Variants in IPO5 observed in about 807,000 individuals in gnomAD.
IPO5 encodes the protein importin 5.
In IPO5, 18 loss-of-function variants were observed where a neutral mutation model predicts 143.3. That is an observed-to-expected ratio of 0.13 (90% CI 0.09 to 0.19). The LOEUF (loss-of-function observed/expected upper bound fraction) is 0.19, where lower values mean the gene tolerates loss of function less well. Ranked by LOEUF, IPO5 falls within the 10% of genes least tolerant of loss-of-function variation. IPO5 has a pLI of 1.00. For missense variants in IPO5, 1,013 were observed against 1,336.9 expected (o/e 0.76, Z 3.78); for synonymous variants, 477 against 465.7 (o/e 1.02, Z -0.31).
At chr13:98,012,466 C>A in intron 21 of IPO5, 124 bp downstream of exon 21, 1 of 651,906 alleles carries the variant, frequency 1.5e-6, no homozygotes, top group Non-Finnish European at 2.8e-6. Flanking sequence ...ACTAAGTGTA[C>A]TCTTAGGTGA....
intron 4 of IPO5, among the ~76,000 whole-genome samples, chr13:97,980,645 T>C (rs1449696216): frequency 1.3e-5 from 2 of 151,802 alleles, no homozygotes; most frequent in Non-Finnish European, 2.9e-5. Context: ...CTGGCCAAGA[T>C]GGTGAAATCC....
chr13:98,018,792 A>G, intron 26 of IPO5, 88 bp downstream of exon 26: 1 of 918,496 alleles, frequency 1.1e-6, no homozygotes. Context: ...CCCAAACATT[A>G]TTTGCCTATT....
rs74627834 is a variant in IPO5 at position 98,023,674 on chromosome 13, G to C, written c.*1852G>C. 1 of 152,136 alleles carries C rather than the reference G, an allele frequency of 6.6e-6. No homozygotes were observed. The highest frequency in any genetic ancestry group is 1.5e-5 in the Non-Finnish European group (1 of 68,026). The allele number at this position is 152,136 out of a possible 1,614,324, so 9.4% of individuals were successfully genotyped here. ...AACACTAGTGGTATTGTCAGATGCC[G>C]TTAGTATCTGAGATGTACTTACAGC... On this transcript the variant is annotated 3_prime_UTR_variant, in exon 29 of 29. Transcript: ENST00000651721.
At chr13:97,985,298 A>G in intron 5 of IPO5, 123 bp from the exon 6 acceptor site, 3 of 723,074 alleles carry the variant, frequency 4.1e-6, no homozygotes, top group Non-Finnish European at 6.8e-6. Context: ...GACTAATGTA[A>G]TTAGAAAGAG....
At chr13:98,009,047 A>G (rs577463662) in intron 18 of IPO5, among the ~76,000 whole-genome samples, 7 of 152,196 alleles carry the variant, frequency 4.6e-5, no homozygotes, top group Non-Finnish European at 8.8e-5. Context: ...GACAGTAGGG[A>G]GACTGAGGGG....
At position 98,006,124 on chromosome 13, in the gene IPO5, T is replaced by C. The variant is rs747808146; in HGVS notation, c.1498-6T>C. The C allele has an allele frequency of 1.9e-6, 3 of 1,598,616 alleles. No individual in the cohort carries two copies. Among genetic ancestry groups the C allele is most frequent in the Non-Finnish European group, 2.6e-6 (3 of 1,166,072 alleles). On this transcript the variant is annotated splice_region_variant and splice_polypyrimidine_tract_variant and intron_variant, in intron 16 of 28. Coordinates refer to ENST00000651721, the MANE Select transcript of IPO5 (RefSeq NM_002271.6). ...TTTGAGGTAATAATTTGTGTCTTCC[T>C]TCTAGCTGATTCAGAAAGGCACCAA...
chr13:97,988,072 G>A (rs1229520430), intron 6 of IPO5: 14 of 226,928 alleles, frequency 6.2e-5, no homozygotes, highest in South Asian at 2.2e-4. Flanking sequence ...ATCGGGGGAC[G>A]TTTAAAAAGA....
chr13:97,989,932 C>T (rs1292594068), intron 7 of IPO5, among the ~76,000 whole-genome samples, 194 bp from the exon 8 acceptor site: 2 of 152,168 alleles, frequency 1.3e-5, no homozygotes, highest in Admixed American at 1.3e-4. Context: ...ACTCCCAGCC[C>T]AGACTTCTCC....
intron 26 of IPO5, 52 bp downstream of exon 26, chr13:98,018,756 C>T: frequency 7.5e-7 from 1 of 1,328,312 alleles, no homozygotes; most frequent in African/African-American, 1.4e-5. Flanking sequence ...TCCTGTGAAT[C>T]CCTACTTTAC....
intron 2 of IPO5, among the ~76,000 whole-genome samples, chr13:97,962,881 T>C (rs183947244): frequency 9.1e-4 from 138 of 151,878 alleles, no homozygotes; most frequent in Non-Finnish European, 5.0e-4. Context: ...TTATGAGAGA[T>C]GGAAAGTTCA....
intron 4 of IPO5, chr13:97,982,259 A>G (rs1170789051): frequency 2.6e-6 from 1 of 378,396 alleles, no homozygotes; most frequent in Non-Finnish European, 4.7e-6. Context: ...ATAAGTTGGG[A>G]AAACATGCAC....
At position 97,969,711 on chromosome 13, in the gene IPO5, C is replaced by A; in HGVS notation, c.-112-12C>A. 1 of 1,144,052 alleles carries A rather than the reference C, an allele frequency of 8.7e-7. No homozygotes were observed. The highest frequency in any genetic ancestry group is 1.3e-6 in the Non-Finnish European group (1 of 753,390). 70.9% of individuals were successfully genotyped at this position (1,144,052 alleles called of 1,614,324 possible). On this transcript the variant is annotated splice_polypyrimidine_tract_variant and intron_variant, in intron 2 of 28. Coordinates refer to ENST00000651721, the MANE Select transcript of IPO5 (RefSeq NM_002271.6). ...CATCTAATGGTCCACCATTCTGTTT[C>A]TGTCAAATCAGCAGAGGAAAGAAAT...
At chr13:97,956,888 G>A (rs1309895241) in intron 2 of IPO5, among the ~76,000 whole-genome samples, 1 of 152,116 alleles carries the variant, frequency 6.6e-6, no homozygotes. Flanking sequence ...ATTTTAAGCT[G>A]TATTAAGATT....
In IPO5 at chr13:98,010,001, G is replaced by A. The variant is rs1231523098; in HGVS notation, c.1921G>A (p.Ala641Thr). ...GACGGCTTCAATTAAGCCCGAAGTA[G>A]CCCTTTTAGATAGTAGGTGTCTTTA... Reference protein sequence around the residue: ...MKTASIKPEVALLDTQDMENM... With the variant: ...MKTASIKPEVTLLDTQDMENM... The change falls in exon 19 of 29, where the codon GCC becomes ACC. Residue 641 changes from alanine (A) to threonine (T), a missense_variant. Coordinates refer to ENST00000651721, the MANE Select transcript of IPO5 (RefSeq NM_002271.6). 6.2e-7 allele frequency: 1 copy of A among 1,614,024 alleles called. No individual in the cohort carries two copies. Among genetic ancestry groups the A allele is most frequent in the Non-Finnish European group, 8.5e-7 (1 of 1,180,010 alleles).
At chr13:98,005,151 C>T (rs555945964) in intron 16 of IPO5, among the ~76,000 whole-genome samples, 2 of 150,616 alleles carry the variant, frequency 1.3e-5, no homozygotes, top group African/African-American at 4.9e-5. Flanking sequence ...CCCACCTGGG[C>T]CTCCCAAAGT....
At chr13:97,962,758 G>A (rs1884994891) in intron 2 of IPO5, among the ~76,000 whole-genome samples, 1 of 151,862 alleles carries the variant, frequency 6.6e-6, no homozygotes, top group Admixed American at 6.6e-5. Context: ...GGCAGAGGTT[G>A]CAGTGAGCCA....
At position 97,954,189 on chromosome 13, in the gene IPO5, C is replaced by G. The variant is rs1037872997; in HGVS notation, c.-122C>G. 1 of 180,056 alleles carries G rather than the reference C, an allele frequency of 5.6e-6. No individual in the cohort carries two copies. Among genetic ancestry groups the G allele is most frequent in the Non-Finnish European group, 1.2e-5 (1 of 84,700 alleles). 11.2% of individuals were successfully genotyped at this position (180,056 alleles called of 1,614,324 possible). A position where few individuals can be genotyped will look rare whatever the true frequency, so the allele number is the denominator to read the frequency against. Reference sequence around the variant, plus strand: ...CTGTTTTCCCTGATCAGGATACTTGCGGCACTCAAGTGAGTCTAGAATTAT... The same window carrying G: ...CTGTTTTCCCTGATCAGGATACTTGGGGCACTCAAGTGAGTCTAGAATTAT... On this transcript the variant is annotated 5_prime_UTR_variant, in exon 2 of 29. Coordinates refer to ENST00000651721, the MANE Select transcript of IPO5 (RefSeq NM_002271.6).
In IPO5 at chr13:97,981,111, C is replaced by T. The variant is rs475503; in HGVS notation, c.91-1392C>T. 8.9e-3 allele frequency: 3,086 copies of T among 346,330 alleles called. 84 individuals carry two copies. Among genetic ancestry groups the T allele is most frequent in the African/African-American group, 0.06 (2,751 of 45,576 alleles). The allele number at this position is 346,330 out of a possible 1,614,324, so 21.5% of individuals were successfully genotyped here. The stretch of plus-strand genomic sequence containing the variant: ...AAATAAATTCAAACCATCTTCTCTC[C>T]TCGGCTGTGAATACTTTTTGGCACA... On this transcript the variant is annotated intron_variant, in intron 4 of 28. Coordinates refer to ENST00000651721, the MANE Select transcript of IPO5 (RefSeq NM_002271.6).
intron 20 of IPO5, among the ~76,000 whole-genome samples, chr13:98,010,476 AAT>A (rs1270866567): frequency 6.6e-6 from 1 of 152,208 alleles, no homozygotes; most frequent in African/African-American, 2.4e-5. Flanking sequence ...GCCTTGGAGT[AAT>A]ATACAGCCAT....
Sources: gnomAD v4.1 joint callset for allele counts (sites outside exome capture counted in the v4.1 genomes callset) on GRCh38, gnomAD v4.1.1 for gene constraint, MANE v1.5 for transcripts, NCBI Gene and HGNC (gene_info 2026-07-23, HGNC 2026-07-21) for gene names.